The following SEMA3E variants were observed in gnomAD, a reference collection of about 807,000 sequenced individuals.
The protein encoded by SEMA3E is semaphorin 3E, also known as semaphorin-3E.
SEMA3E carries 49 observed loss-of-function variants against 93.6 expected under a neutral mutation model. The observed-to-expected ratio is 0.52, with a 90% CI of 0.42 to 0.66. SEMA3E has a LOEUF of 0.66. Among genes scored for constraint, SEMA3E ranks in the 30% least tolerant of loss-of-function variants. The pLI is 0.00. For synonymous variants in SEMA3E, 363 were observed against 330.7 expected, an observed-to-expected ratio of 1.10 and a Z score of -1.06; for missense variants, 906 against 964.8, an observed-to-expected ratio of 0.94 and a Z score of 0.81.
At chr7:83,608,896 G>T (rs2115573488) in intron 1 of SEMA3E, among the ~76,000 whole-genome samples, 2 of 152,244 alleles carry the variant, frequency 1.3e-5, no homozygotes, top group African/African-American at 4.8e-5. Flanking sequence ...AAAAAAAGTA[G>T]ACTGTGGTAT....
chr7:83,437,988 G>A (rs1204169990), intron 4 of SEMA3E, among the ~76,000 whole-genome samples: 1 of 152,000 alleles, frequency 6.6e-6, no homozygotes, highest in Non-Finnish European at 1.5e-5. Flanking sequence ...ATTCAATGTT[G>A]GCAATATGTG....
chr7:83,628,350 G>A (rs577992656), intron 1 of SEMA3E, among the ~76,000 whole-genome samples: 67 of 152,106 alleles, frequency 4.4e-4, no homozygotes, highest in Non-Finnish European at 7.4e-4. Flanking sequence ...ACTAGGTTGG[G>A]GAAGTTCTCC....
At chr7:83,614,831 C>A (rs1357401400) in intron 1 of SEMA3E, among the ~76,000 whole-genome samples, 1 of 151,968 alleles carries the variant, frequency 6.6e-6, no homozygotes, top group Non-Finnish European at 1.5e-5. Flanking sequence ...CAAAACAAGC[C>A]AAAAAGTCAA....
At chr7:83,421,970 G>A (rs1402333167) in intron 4 of SEMA3E, among the ~76,000 whole-genome samples, 3 of 152,160 alleles carry the variant, frequency 2.0e-5, no homozygotes, top group Non-Finnish European at 4.4e-5. Context: ...CTGAGGTTGG[G>A]AGTTCGAGAC....
intron 1 of SEMA3E, among the ~76,000 whole-genome samples, chr7:83,642,339 G>A (rs964947530): frequency 1.3e-5 from 2 of 152,100 alleles, no homozygotes; most frequent in African/African-American, 4.8e-5. Context: ...AAAACTTCTC[G>A]AGTAATCAGT....
At chr7:83,473,535 A>C (rs199717875) in intron 2 of SEMA3E, among the ~76,000 whole-genome samples, 1 of 152,228 alleles carries the variant, frequency 6.6e-6, no homozygotes, top group Non-Finnish European at 1.5e-5. Flanking sequence ...TTTTTTATTT[A>C]GTGGCAAATT....
At chr7:83,401,995 T>C (rs550561397) in intron 10 of SEMA3E, among the ~76,000 whole-genome samples, 9 of 152,206 alleles carry the variant, frequency 5.9e-5, no homozygotes, top group African/African-American at 1.9e-4. Context: ...AAAGACTTCA[T>C]GCCTAGCTAA....
intron 1 of SEMA3E, among the ~76,000 whole-genome samples, chr7:83,601,048 C>G (rs533438544): frequency 5.3e-5 from 8 of 152,106 alleles, no homozygotes; most frequent in African/African-American, 1.9e-4. Context: ...CAGGAGAATG[C>G]GAGGGAGGGA....
chr7:83,379,166 C>T (rs1338539675), intron 16 of SEMA3E, among the ~76,000 whole-genome samples: 1 of 151,672 alleles, frequency 6.6e-6, no homozygotes, highest in Non-Finnish European at 1.5e-5. Flanking sequence ...ATACTGCACT[C>T]TCACTTATAA....
intron 16 of SEMA3E, among the ~76,000 whole-genome samples, chr7:83,381,522 C>T (rs1787778538): frequency 1.3e-5 from 2 of 152,002 alleles, no homozygotes; most frequent in South Asian, 4.1e-4. Context: ...TAACCTCTCC[C>T]TATAATTTAA....
intron 1 of SEMA3E, among the ~76,000 whole-genome samples, chr7:83,499,169 C>T (rs1376786082): frequency 6.6e-6 from 1 of 152,074 alleles, no homozygotes; most frequent in Non-Finnish European, 1.5e-5. Flanking sequence ...ATTTTTACTA[C>T]TAATACAGCA....
intron 16 of SEMA3E, among the ~76,000 whole-genome samples, chr7:83,368,692 TAA>T (rs1213064423): frequency 6.6e-6 from 1 of 152,178 alleles, no homozygotes; most frequent in Non-Finnish European, 1.5e-5. Context: ...TAGCAAATAT[TAA>T]GTTTCAATAT....
rs1043997357 is a variant in SEMA3E at position 83,641,336 on chromosome 7, T to C, written c.115+7092A>G. The C allele has an allele frequency of 8.2e-6, 8 of 978,370 alleles. No homozygotes were observed. The African/African-American group carries it at 1.4e-4, about 17-fold the overall frequency. 60.6% of individuals were successfully genotyped at this position (978,370 alleles called of 1,614,324 possible). A position where few individuals can be genotyped will look rare whatever the true frequency, so the allele number is the denominator to read the frequency against. ...GCATGGCACCAGATATCTTACCTGTTCATCTAAGGGAAGGCAAAGTGGGAG... is the reference window on the plus strand; with the variant it reads ...GCATGGCACCAGATATCTTACCTGTCCATCTAAGGGAAGGCAAAGTGGGAG... On this transcript the variant is annotated intron_variant, in intron 1 of 16. Coordinates refer to ENST00000643230, the MANE Select transcript of SEMA3E (RefSeq NM_012431.3).
intron 2 of SEMA3E, among the ~76,000 whole-genome samples, chr7:83,469,661 C>T (rs572122376): frequency 6.6e-6 from 1 of 151,954 alleles, no homozygotes; most frequent in African/African-American, 2.4e-5. Context: ...CTACTTAACA[C>T]AGAACCTGCT....
chr7:83,513,366 C>T (rs1790862363), intron 1 of SEMA3E, among the ~76,000 whole-genome samples: 1 of 152,152 alleles, frequency 6.6e-6, no homozygotes, highest in South Asian at 2.1e-4. Context: ...CTTCCAAATG[C>T]TCCACACACA....
chr7:83,494,135 G>T (rs1368113053), intron 1 of SEMA3E, among the ~76,000 whole-genome samples: 2 of 151,698 alleles, frequency 1.3e-5, no homozygotes. Context: ...TATTTCTAGG[G>T]AGTAAGGGTA....
At chr7:83,425,017 T>C in intron 4 of SEMA3E, 1 of 202,762 alleles carries the variant, frequency 4.9e-6, no homozygotes. Flanking sequence ...GGAGGGTGGA[T>C]GTGACTGCTT....
chr7:83,503,961 CCCACTTGA>C (rs571944500), intron 1 of SEMA3E, among the ~76,000 whole-genome samples: 223 of 152,128 alleles, frequency 1.5e-3, no homozygotes, highest in Admixed American at 5.2e-3. Flanking sequence ...CTACATTTTC[CCCACTTGA>C]CCTCTAATAA....
At chr7:83,418,769 T>A (rs1192386561) in intron 4 of SEMA3E, among the ~76,000 whole-genome samples, 1 of 152,170 alleles carries the variant, frequency 6.6e-6, no homozygotes, top group Admixed American at 6.5e-5. Flanking sequence ...CTGAGATGTG[T>A]CAATGAAATA....
Sources: gnomAD v4.1 joint callset for allele counts (sites outside exome capture counted in the v4.1 genomes callset) on GRCh38, gnomAD v4.1.1 for gene constraint, MANE v1.5 for transcripts, NCBI Gene and HGNC (gene_info 2026-07-23, HGNC 2026-07-21) for gene names.